SHROOM4: variants seen among roughly 807,000 people sequenced by gnomAD.
The protein encoded by SHROOM4 is protein Shroom4.
In SHROOM4, 17 loss-of-function variants were observed where a neutral mutation model predicts 80.3. The ratio of observed to expected loss-of-function variants is 0.21; its 90% CI spans 0.14 to 0.32. The LOEUF is 0.32. Ranked by LOEUF, SHROOM4 falls within the 10% of genes least tolerant of loss-of-function variation. The pLI, the probability that SHROOM4 is intolerant of heterozygous loss-of-function variation, is 1.00. For synonymous variants in SHROOM4, 400 were observed against 437.5 expected, an observed-to-expected ratio of 0.91 and a Z score of 1.07; for missense variants, 993 against 1,140.3, an observed-to-expected ratio of 0.87 and a Z score of 1.86.
intron 1 of SHROOM4, among the ~76,000 whole-genome samples, chrX:50,724,527 C>T (rs1216884248): frequency 2.7e-5 from 3 of 113,151 alleles, no homozygotes; most frequent in Non-Finnish European, 3.7e-5. Flanking sequence ...TGCAATGGCA[C>T]GATCTTGGCT....
chrX:50,608,002 G>T lies in SHROOM4; in HGVS notation c.3140C>A (p.Ala1047Asp). The T allele has an allele frequency of 8.3e-7, 1 of 1,211,946 alleles. No homozygotes were observed. The highest frequency in any genetic ancestry group is 3.0e-5 in the East Asian group (1 of 33,817). Reference protein sequence around the residue: ...TSVYEEGSSLASMPHPLRSRA... With the variant: ...TSVYEEGSSLDSMPHPLRSRA... ...GCTGCGCAGTGGGTGGGGCATGGAG[G>T]CAAGGGAGCTCCCCTCCTCATAAAC... The change falls in exon 6 of 9, where the codon GCC becomes GAC. Residue 1047 changes from alanine (A) to aspartate (D), a missense_variant. By Grantham distance (126) the Ala-to-Asp change is moderately radical. Coordinates refer to ENST00000376020, the MANE Select transcript of SHROOM4 (RefSeq NM_020717.5).
chrX:50,765,337 T>C (rs1447270963), intron 1 of SHROOM4, among the ~76,000 whole-genome samples: 1 of 112,296 alleles, frequency 8.9e-6, no homozygotes, highest in Non-Finnish European at 1.9e-5. Context: ...TACATTCAAG[T>C]TAATTTTCGG....
Position 50,607,752 on chromosome X carries a change from TTGCTTCTGCTGCTGCTGTTGC to T in SHROOM4, c.3369_3389del (p.Gln1125_Gln1131del). Reference sequence around the variant, plus strand: ...CTTCCTCCTCCTCCTCCTCCTCCTGTTGCTTCTGCTGCTGCTGTTGCTGCTTCTGCTGCTGGGCTGCACGAA... The same window carrying T: ...CTTCCTCCTCCTCCTCCTCCTCCTGTTGCTTCTGCTGCTGGGCTGCACGAA... On this transcript the variant is annotated inframe_deletion, in exon 6 of 9. Coordinates refer to ENST00000376020, the MANE Select transcript of SHROOM4 (RefSeq NM_020717.5). 4.3e-6 allele frequency: 5 copies of T among 1,158,780 alleles called. No homozygotes were observed. The highest frequency in any genetic ancestry group is 5.8e-6 in the Non-Finnish European group (5 of 869,360).
chrX:50,654,753 A>G (rs1932241797), intron 2 of SHROOM4, among the ~76,000 whole-genome samples: 1 of 109,295 alleles, frequency 9.1e-6, no homozygotes, highest in Non-Finnish European at 1.9e-5. Context: ...TATGAGTTTG[A>G]TGTTTTACTA....
chrX:50,618,735 G>A (rs899514652), intron 5 of SHROOM4, among the ~76,000 whole-genome samples: 7 of 111,570 alleles, frequency 6.3e-5, no homozygotes, highest in African/African-American at 1.3e-4. Flanking sequence ...GCACTTTCAC[G>A]TATGTATTTC....
At position 50,697,914 on chromosome X, in the gene SHROOM4, G is replaced by A. The variant is rs150138939; in HGVS notation, c.118-1977C>T. On this transcript the variant is annotated intron_variant, in intron 1 of 8. Coordinates refer to ENST00000376020, the MANE Select transcript of SHROOM4 (RefSeq NM_020717.5). ...TAGCACCAGTCAGAACTTTCAACAG[G>A]GATCAGCCATTTGAAAGAGTTTCCC... Among the ~76,000 whole-genome samples, 486 of 111,867 alleles carry A rather than the reference G, an allele frequency of 4.3e-3. 1 individual carries two copies. The highest frequency in any genetic ancestry group is 0.015 in the African/African-American group (466 of 30,821).
intron 1 of SHROOM4, among the ~76,000 whole-genome samples, chrX:50,813,666 T>A (rs781792776): frequency 8.9e-6 from 1 of 112,067 alleles, no homozygotes; most frequent in Admixed American, 9.3e-5. Flanking sequence ...CGCGAGTGTG[T>A]CTGCGCGCAA....
intron 1 of SHROOM4, among the ~76,000 whole-genome samples, chrX:50,738,007 T>C (rs1327527942): frequency 9.0e-6 from 1 of 111,690 alleles, no homozygotes; most frequent in Admixed American, 9.5e-5. Context: ...ATCCCTGGGA[T>C]GCAAGGCTGG....
chrX:50,607,500 A>G lies in SHROOM4; in HGVS notation c.3642T>C (p.Asp1214=). The G allele has an allele frequency of 1.7e-6, 2 of 1,211,316 alleles. No homozygotes were observed. The highest frequency in any genetic ancestry group is 2.2e-6 in the Non-Finnish European group (2 of 895,440). The part of the protein sequence containing the change: ...EQESFALHSS[D]FLPPIRGHLG... ...AGTGACCCCTTATTGGAGGCAAGAA[A>G]TCACTGGAATGGAGTGCAAAGGATT... Residue 1214 remains aspartate (D), a synonymous_variant, in exon 6 of 9, where the codon GAT becomes GAC. Coordinates refer to ENST00000376020, the MANE Select transcript of SHROOM4 (RefSeq NM_020717.5).
intron 1 of SHROOM4, among the ~76,000 whole-genome samples, chrX:50,788,756 T>C (rs1329953497): frequency 9.0e-6 from 1 of 111,349 alleles, no homozygotes; most frequent in African/African-American, 3.3e-5. Context: ...AAAAACAAGA[T>C]CCAACTATAT....
At chrX:50,778,873 AC>A (rs1194281252) in intron 1 of SHROOM4, among the ~76,000 whole-genome samples, 3 of 111,476 alleles carry the variant, frequency 2.7e-5, no homozygotes, top group Non-Finnish European at 5.6e-5. Context: ...CAGCTACATG[AC>A]CTTAGGCACA....
intron 1 of SHROOM4, among the ~76,000 whole-genome samples, chrX:50,768,228 TG>T (rs1226298825): frequency 8.9e-6 from 1 of 112,108 alleles, no homozygotes; most frequent in Non-Finnish European, 1.9e-5. Context: ...AGCCTTTTTG[TG>T]AAAGACTTGG....
intron 1 of SHROOM4, among the ~76,000 whole-genome samples, chrX:50,770,737 A>T (rs1212869613): frequency 8.9e-6 from 1 of 111,808 alleles, no homozygotes; most frequent in African/African-American, 3.3e-5. Flanking sequence ...GCCAAGTACC[A>T]GGCGTCTGCT....
At position 50,637,696 on chromosome X, in the gene SHROOM4, T is replaced by C. The variant is rs1445668869; in HGVS notation, c.404+478A>G. ...CCTGAAGAAAACGTTGTCTGCCTCT[T>C]GGGCAACTGTTTCAACAATGGTTAT... On this transcript the variant is annotated intron_variant, in intron 3 of 8. Coordinates refer to ENST00000376020, the MANE Select transcript of SHROOM4 (RefSeq NM_020717.5). Among the ~76,000 whole-genome samples the C allele has an allele frequency of 2.7e-5, 3 of 112,231 alleles. 1 individual carries two copies. Among genetic ancestry groups the C allele is most frequent in the Admixed American group, 1.9e-4 (2 of 10,622 alleles).
chrX:50,680,768 T>A (rs1050933044), intron 2 of SHROOM4, among the ~76,000 whole-genome samples: 1 of 111,656 alleles, frequency 9.0e-6, no homozygotes, highest in Non-Finnish European at 1.9e-5. Context: ...AACCTTGACC[T>A]ATTTTCTCAA....
At chrX:50,672,110 T>C (rs1196625495) in intron 2 of SHROOM4, among the ~76,000 whole-genome samples, 4 of 112,105 alleles carry the variant, frequency 3.6e-5, no homozygotes, top group Non-Finnish European at 7.5e-5. Context: ...AATTTGACAG[T>C]TTGACATCAA....
At chrX:50,665,880 T>A (rs781803263) in intron 2 of SHROOM4, among the ~76,000 whole-genome samples, 2 of 111,506 alleles carry the variant, frequency 1.8e-5, no homozygotes, top group South Asian at 3.8e-4. Context: ...CTAAGTTAGG[T>A]GGGAAGGCAT....
chrX:50,786,553 C>T (rs782247004), intron 1 of SHROOM4, among the ~76,000 whole-genome samples: 11 of 111,700 alleles, frequency 9.8e-5, no homozygotes, highest in Non-Finnish European at 1.5e-4. Context: ...TCAGAGATGG[C>T]GGTTTGGCCT....
At chrX:50,632,731 T>C (rs1931123113) in intron 4 of SHROOM4, among the ~76,000 whole-genome samples, 2 of 112,342 alleles carry the variant, frequency 1.8e-5, no homozygotes, top group African/African-American at 3.2e-5. Context: ...TAGAACTCCA[T>C]AGACACAATC....
Sources: allele counts gnomAD v4.1 joint callset (sites outside exome capture counted in the v4.1 genomes callset), GRCh38; gene constraint gnomAD v4.1.1; transcripts MANE v1.5; gene names NCBI Gene and HGNC (gene_info 2026-07-23, HGNC 2026-07-21).